Variants in ANKRD62 observed in about 807,000 individuals in gnomAD.
The protein encoded by ANKRD62 is ankyrin repeat domain-containing protein 62.
ANKRD62 carries 61 observed loss-of-function variants against 98.8 expected under a neutral mutation model. That is an observed-to-expected ratio of 0.62 (90% CI 0.50 to 0.76). ANKRD62 has a LOEUF of 0.76. Among genes scored for constraint, ANKRD62 ranks in the 30% least tolerant of loss-of-function variants. The pLI, the probability that ANKRD62 is intolerant of heterozygous loss-of-function variation, is 0.00. For missense variants in ANKRD62, 933 were observed against 1,082.9 expected (o/e 0.86, Z 1.94); for synonymous variants, 341 against 367.9 (o/e 0.93, Z 0.84).
At chr18:12,096,046 G>A in intron 3 of ANKRD62, 150 bp from the exon 4 acceptor site, 1 of 617,216 alleles carries the variant, frequency 1.6e-6, no homozygotes, top group Non-Finnish European at 2.8e-6. Flanking sequence ...AGCAACATGT[G>A]GGCAAGCACA....
the ANKRD62 span, among the ~76,000 whole-genome samples, chr18:12,174,111 A>C: frequency 6.6e-6 from 1 of 152,062 alleles, no homozygotes; most frequent in Non-Finnish European, 1.5e-5. Context: ...CATTCTCTTC[A>C]TCTCTTTCAG....
At chr18:12,149,981 G>A in the ANKRD62 span, among the ~76,000 whole-genome samples, 1 of 152,152 alleles carries the variant, frequency 6.6e-6, no homozygotes, top group Non-Finnish European at 1.5e-5. Flanking sequence ...ACTATGGGCA[G>A]GAATGAGGAC....
chr18:12,171,269 C>G, the ANKRD62 span, among the ~76,000 whole-genome samples: 1,752 of 152,324 alleles, frequency 0.012, 19 homozygotes, highest in African/African-American at 0.04. Context: ...TTTGCAGTGG[C>G]TGGTACCGGT....
the ANKRD62 span, among the ~76,000 whole-genome samples, chr18:12,137,900 G>A: frequency 1.4e-4 from 21 of 151,996 alleles, no homozygotes; most frequent in Non-Finnish European, 2.5e-4. Context: ...TATCCCCTTT[G>A]TCATTTTTTA....
chr18:12,179,647 C>G, the ANKRD62 span, among the ~76,000 whole-genome samples: 1 of 151,482 alleles, frequency 6.6e-6, no homozygotes, highest in African/African-American at 2.4e-5. Flanking sequence ...GCCTGGAACA[C>G]TGTCCTTACT....
chr18:12,132,084 A>G (rs1297172877), downstream of ANKRD62, among the ~76,000 whole-genome samples: 1 of 152,054 alleles, frequency 6.6e-6, no homozygotes, highest in Non-Finnish European at 1.5e-5. Context: ...ATTTTCTTAG[A>G]TCTTCTTTGA....
chr18:12,121,620 G>T (rs959334324), intron 10 of ANKRD62, among the ~76,000 whole-genome samples: 1 of 151,878 alleles, frequency 6.6e-6, no homozygotes, highest in African/African-American at 2.4e-5. Flanking sequence ...GATTCTTAGC[G>T]TCACCACCCC....
chr18:12,122,218 G>C, intron 10 of ANKRD62, 85 bp from the exon 11 acceptor site: 1 of 964,488 alleles, frequency 1.0e-6, no homozygotes, highest in Non-Finnish European at 1.5e-6. Context: ...GTGTATGAAT[G>C]AGTGCCATGT....
chr18:12,119,084 GT>G (rs772324196), intron 10 of ANKRD62, among the ~76,000 whole-genome samples: 1 of 152,048 alleles, frequency 6.6e-6, no homozygotes, highest in Non-Finnish European at 1.5e-5. Flanking sequence ...GGCAATTCAG[GT>G]TATTTATTGC....
chr18:12,158,035 C>T, the ANKRD62 span, among the ~76,000 whole-genome samples: 2 of 152,358 alleles, frequency 1.3e-5, no homozygotes, highest in Admixed American at 6.5e-5. Flanking sequence ...CCCCTTCCAG[C>T]GTCAGGTTTG....
chr18:12,114,565 C>A (rs1909617874), intron 8 of ANKRD62, among the ~76,000 whole-genome samples: 1 of 152,090 alleles, frequency 6.6e-6, no homozygotes, highest in Non-Finnish European at 1.5e-5. Flanking sequence ...TATTATGTTA[C>A]CTACTTTACA....
intron 8 of ANKRD62, 115 bp from the exon 9 acceptor site, chr18:12,114,973 A>T: frequency 1.2e-6 from 1 of 846,538 alleles, no homozygotes; most frequent in African/African-American, 1.8e-5. Context: ...TAAACATTAT[A>T]AATAAGAGAG....
downstream of ANKRD62, among the ~76,000 whole-genome samples, chr18:12,131,521 T>TG (rs1343081949): frequency 3.3e-5 from 5 of 152,082 alleles, no homozygotes; most frequent in Non-Finnish European, 2.9e-5. Flanking sequence ...GTGTATCCCT[T>TG]TTTTTTCTGG....
Position 12,096,492 on chromosome 18 carries a change from G to A in ANKRD62, c.614+190G>A, listed in dbSNP as rs1276858604. On this transcript the variant is annotated intron_variant, in intron 4 of 13. Transcript: ENST00000587848. Reference sequence around the variant, plus strand: ...GCAACATAAAAAATAGTGTATTGCAGGATTTGTCTTCTCTTATTATATTGA... The same window carrying A: ...GCAACATAAAAAATAGTGTATTGCAAGATTTGTCTTCTCTTATTATATTGA... 3.3e-5 allele frequency among the ~76,000 whole-genome samples: 5 copies of A among 152,228 alleles called. No individual in the cohort carries two copies. The East Asian group carries it at 9.7e-4, about 29-fold the overall frequency.
chr18:12,115,134 T>C lies in ANKRD62; in HGVS notation c.1098+13T>C. On this transcript the variant is annotated intron_variant, in intron 9 of 13. Coordinates refer to ENST00000587848, the MANE Select transcript of ANKRD62 (RefSeq NM_001277333.2). ...TGAAAAGAGCAAGGTATTATAAAAG[T>C]AAATTGTCAAGAATGCTGTTGAACA... is the stretch of plus-strand genomic sequence containing the variant. The C allele has an allele frequency of 7.1e-7, 1 of 1,400,706 alleles. No individual in the cohort carries two copies. The highest frequency in any genetic ancestry group is 9.2e-7 in the Non-Finnish European group (1 of 1,083,648). The allele number at this position is 1,400,706 out of a possible 1,614,324, so 86.8% of individuals were successfully genotyped here. A position where few individuals can be genotyped will look rare whatever the true frequency, so the allele number is the denominator to read the frequency against.
intron 13 of ANKRD62, among the ~76,000 whole-genome samples, chr18:12,127,002 G>A (rs532919234): frequency 6.6e-6 from 1 of 152,310 alleles, no homozygotes; most frequent in East Asian, 1.9e-4. Context: ...TGGGGAAAAT[G>A]TGGTAAATGT....
At chr18:12,101,502 T>G (rs1909298662) in intron 6 of ANKRD62, among the ~76,000 whole-genome samples, 1 of 152,228 alleles carries the variant, frequency 6.6e-6, no homozygotes, top group South Asian at 2.1e-4. Context: ...ATTTCCCCAG[T>G]ATATGTAACC....
the ANKRD62 span, among the ~76,000 whole-genome samples, chr18:12,173,490 A>G: frequency 1.3e-5 from 2 of 152,214 alleles, no homozygotes; most frequent in Non-Finnish European, 2.9e-5. Flanking sequence ...TAGCCCATTT[A>G]TATTGAAGGT....
At chr18:12,101,565 C>T (rs1909299769) in intron 6 of ANKRD62, among the ~76,000 whole-genome samples, 1 of 152,184 alleles carries the variant, frequency 6.6e-6, no homozygotes, top group Non-Finnish European at 1.5e-5. Flanking sequence ...AAACTGAACA[C>T]TCTCTAATTT....
Sources: allele counts gnomAD v4.1 joint callset (sites outside exome capture counted in the v4.1 genomes callset), GRCh38; gene constraint gnomAD v4.1.1; transcripts MANE v1.5; gene names NCBI Gene and HGNC (gene_info 2026-07-23, HGNC 2026-07-21).